The following NRDE2 variants were observed in gnomAD, a reference collection of about 807,000 sequenced individuals.
The protein encoded by NRDE2 is NRDE-2, necessary for RNA interference, domain containing, also known as nuclear exosome regulator NRDE2.
Under a neutral mutation model 124.2 loss-of-function variants are expected in NRDE2, and 76 were observed. The observed-to-expected ratio is 0.61, with a 90% CI of 0.51 to 0.74. NRDE2 has a LOEUF of 0.74. Among genes scored for constraint, NRDE2 ranks in the 30% least tolerant of loss-of-function variants. The pLI is 0.00. For missense variants in NRDE2, 1,314 were observed against 1,417.3 expected (o/e 0.93, Z 1.17); for synonymous variants, 489 against 528.1 (o/e 0.93, Z 1.01).
rs146955955 is a variant in NRDE2 at position 90,318,013 on chromosome 14, C to T, written c.165G>A (p.Pro55=). The part of the protein sequence containing the change: ...AAPAHVSEGL[P]LTRSHLKSES... ...TGTCAAACAAAAACTACCTTGTCAG[C>T]GGTAACCCTTCAGAAACATGGGCTG... Residue 55 remains proline, a synonymous_variant, in exon 2 of 14, where the codon CCG becomes CCA. Coordinates refer to ENST00000354366, the MANE Select transcript of NRDE2 (RefSeq NM_017970.4). The T allele has an allele frequency of 1.1e-5, 18 of 1,613,162 alleles. No individual in the cohort carries two copies. Among genetic ancestry groups the T allele is most frequent in the East Asian group, 6.7e-5 (3 of 44,864 alleles).
rs149143718 is a variant in NRDE2, at chr14:90,288,424, C to T, written c.2951G>A (p.Arg984Gln). The T allele has an allele frequency of 4.6e-5, 74 of 1,614,146 alleles. No homozygotes were observed. The African/African-American group carries it at 9.5e-4, about 21-fold the overall frequency. The change falls in exon 11 of 14, where the codon CGA becomes CAA. Residue 984 changes from arginine (R) to glutamine (Q), a missense_variant. Coordinates refer to ENST00000354366, the MANE Select transcript of NRDE2 (RefSeq NM_017970.4). ...CTTTAAAGCCTGTGAGAGTGCCTCT[C>T]GCAGAGGGGCCAGCGGGTAAACACT... ...KVSVYPLAPL[R>Q]EALSQALKLY...
At chr14:90,327,760 G>A (rs1209708511) in intron 1 of NRDE2, among the ~76,000 whole-genome samples, 1 of 152,188 alleles carries the variant, frequency 6.6e-6, no homozygotes, top group Non-Finnish European at 1.5e-5. Flanking sequence ...CACTTTGGGA[G>A]GCCAAGGCAG....
intron 12 of NRDE2, among the ~76,000 whole-genome samples, chr14:90,283,178 G>A (rs544976664): frequency 6.6e-6 from 1 of 152,254 alleles, no homozygotes; most frequent in Non-Finnish European, 1.5e-5. Context: ...CAAAGTGCTA[G>A]GAGCCTGCCC....
At chr14:90,317,812 TACTTGCC>T in intron 2 of NRDE2, 186 bp downstream of exon 2, 1 of 508,944 alleles carries the variant, frequency 2.0e-6, no homozygotes, top group South Asian at 3.0e-5. Context: ...CTGTGTCATG[TACTTGCC>T]ACTGCAAAGC....
chr14:90,274,838 A>ACACACACACACACACAC lies in NRDE2; in HGVS notation c.*3497_*3498insGTGTGTGTGTGTGTGTG, dbSNP rs1491397403. The ACACACACACACACACAC allele has an allele frequency of 1.5e-5, 1 of 67,186 alleles. No homozygotes were observed. The highest frequency in any genetic ancestry group is 6.1e-5 in the African/African-American group (1 of 16,314). The allele number at this position is 67,186 out of a possible 1,614,324, so 4.2% of individuals were successfully genotyped here. On this transcript the variant is annotated 3_prime_UTR_variant, in exon 14 of 14. Coordinates refer to ENST00000354366, the MANE Select transcript of NRDE2 (RefSeq NM_017970.4). ...CACACACACACACACACACACACACACCCCAATACATATGAATTGATCTGA... is the reference window on the plus strand; with the variant it reads ...CACACACACACACACACACACACACACACACACACACACACACCCCCAATACATATGAATTGATCTGA...
intron 3 of NRDE2, among the ~76,000 whole-genome samples, chr14:90,313,506 C>T (rs1057321974): frequency 4.6e-5 from 7 of 152,058 alleles, no homozygotes; most frequent in Non-Finnish European, 1.0e-4. Flanking sequence ...GGCAGAATCA[C>T]GAGGCTCCCC....
At chr14:90,295,513 A>C (rs1884112412) in intron 8 of NRDE2, among the ~76,000 whole-genome samples, 2 of 152,174 alleles carry the variant, frequency 1.3e-5, no homozygotes, top group Admixed American at 6.5e-5. Context: ...CTTATAAGAG[A>C]AATTACCTTT....
chr14:90,269,658 G>C lies in NRDE2; in HGVS notation c.*8678C>G. 8.1e-7 allele frequency: 1 copy of C among 1,230,474 alleles called. No individual in the cohort carries two copies. The highest frequency in any genetic ancestry group is 1.1e-6 in the Non-Finnish European group (1 of 879,522). The allele number at this position is 1,230,474 out of a possible 1,614,324, so 76.2% of individuals were successfully genotyped here. A position where few individuals can be genotyped will look rare whatever the true frequency, so the allele number is the denominator to read the frequency against. On this transcript the variant is annotated 3_prime_UTR_variant, in exon 14 of 14. Coordinates refer to ENST00000354366, the MANE Select transcript of NRDE2 (RefSeq NM_017970.4). Reference sequence around the variant, plus strand: ...TACATAAAAAAGCAAATACTGCAGTGAAACTTAGGATAATTTACAAAAAAA... The same window carrying C: ...TACATAAAAAAGCAAATACTGCAGTCAAACTTAGGATAATTTACAAAAAAA...
At chr14:90,287,919 G>A (rs1892151214) in intron 11 of NRDE2, among the ~76,000 whole-genome samples, 1 of 152,112 alleles carries the variant, frequency 6.6e-6, no homozygotes, top group African/African-American at 2.4e-5. Context: ...TTTCGTGACG[G>A]CTTCTCAGCA....
At position 90,268,373 on chromosome 14, in the gene NRDE2, A is replaced by G. The variant is rs1207878420; in HGVS notation, c.*9963T>C. 1.2e-6 allele frequency: 2 copies of G among 1,611,800 alleles called. No homozygotes were observed. Among genetic ancestry groups the G allele is most frequent in the Admixed American group, 1.7e-5 (1 of 59,368 alleles). ...AGTTGCTGAAGAACATGCACCGTCCATCGTGTTTATTGATGAAATTGACGC... is the reference window on the plus strand; with the variant it reads ...AGTTGCTGAAGAACATGCACCGTCCGTCGTGTTTATTGATGAAATTGACGC... On this transcript the variant is annotated 3_prime_UTR_variant, in exon 14 of 14. Transcript: ENST00000354366.
At position 90,303,089 on chromosome 14, in the gene NRDE2, C is replaced by T. The variant is rs759252429; in HGVS notation, c.1042G>A (p.Glu348Lys). 6.8e-6 allele frequency: 11 copies of T among 1,613,838 alleles called. No individual in the cohort carries two copies. The highest frequency in any genetic ancestry group is 4.0e-5 in the African/African-American group (3 of 74,922). The change falls in exon 6 of 14, where the codon GAG (glutamate) becomes AAG (lysine). Residue 348 changes from glutamate to lysine, a missense_variant. Transcript: ENST00000354366. Reference protein sequence around the residue: ...VMKSPGLYAIEEGEQEKRKRS... With the variant: ...VMKSPGLYAIKEGEQEKRKRS... ...TTTCGCTTTTCCTGCTCTCCTTCCT[C>T]GATGGCATACAGGCCAGGACTTTTC...
intron 1 of NRDE2, among the ~76,000 whole-genome samples, chr14:90,327,685 T>C (rs1399294900): frequency 6.6e-6 from 1 of 152,244 alleles, no homozygotes; most frequent in Non-Finnish European, 1.5e-5. Context: ...CCCCAACTCA[T>C]TATTCTGAAA....
Position 90,269,895 on chromosome 14 carries a change from GT to G in NRDE2, c.*8440del, listed in dbSNP as rs1891618151. The stretch of plus-strand genomic sequence containing the variant: ...GTAGCATCAGAAGAAACAGTGATTT[GT>G]TTGCTGTCTTTTGTAATGTTTTTAA... On this transcript the variant is annotated 3_prime_UTR_variant, in exon 14 of 14. Coordinates refer to ENST00000354366, the MANE Select transcript of NRDE2 (RefSeq NM_017970.4). The G allele has an allele frequency of 2.6e-6, 1 of 377,766 alleles. No homozygotes were observed. Among genetic ancestry groups the G allele is most frequent in the Admixed American group, 4.2e-5 (1 of 23,626 alleles). 23.4% of individuals were successfully genotyped at this position (377,766 alleles called of 1,614,324 possible). A position where few individuals can be genotyped will look rare whatever the true frequency, so the allele number is the denominator to read the frequency against.
chr14:90,291,961 G>A (rs73318621), intron 9 of NRDE2, among the ~76,000 whole-genome samples: 20,738 of 152,288 alleles, frequency 0.14, 1,618 homozygotes, highest in East Asian at 0.21. Context: ...CGCCTCGTTT[G>A]TAGAAAAGGT....
rs558702603 is a variant in NRDE2 at position 90,286,610 on chromosome 14, G to A, written c.3159-118C>T. 7 of 1,301,818 alleles carry A rather than the reference G, an allele frequency of 5.4e-6. No individual in the cohort carries two copies. The African/African-American group carries it at 5.9e-5, about 11-fold the overall frequency. 80.6% of individuals were successfully genotyped at this position (1,301,818 alleles called of 1,614,324 possible). On this transcript the variant is annotated intron_variant, in intron 11 of 13. Coordinates refer to ENST00000354366, the MANE Select transcript of NRDE2 (RefSeq NM_017970.4). Reference sequence around the variant, plus strand: ...ACAACCAGATCAGACAGACTCAGGGGAGAACTGTCCCTCAGGCGTAGAGCG... The same window carrying A: ...ACAACCAGATCAGACAGACTCAGGGAAGAACTGTCCCTCAGGCGTAGAGCG...
rs1891809788 is a variant in NRDE2 at position 90,276,551 on chromosome 14, T to C, written c.*1785A>G. 6.6e-6 allele frequency: 1 copy of C among 152,150 alleles called. No individual in the cohort carries two copies. The highest frequency in any genetic ancestry group is 2.4e-5 in the African/African-American group (1 of 41,424). The allele number at this position is 152,150 out of a possible 1,614,324, so 9.4% of individuals were successfully genotyped here. A position where few individuals can be genotyped will look rare whatever the true frequency, so the allele number is the denominator to read the frequency against. On this transcript the variant is annotated 3_prime_UTR_variant, in exon 14 of 14. Transcript: ENST00000354366. ...GGCTTTTAAATAACAACAGTGATGC[T>C]CTTGACATCTTGTTTTCTGTAAAAT...
rs576740394 is a variant in NRDE2 at position 90,317,101 on chromosome 14, T to C, written c.174-290A>G. ...AAAGTAACCTACCACTTAACAAATA[T>C]AGTATTTTTAAGACATTATTAAAGG... is the stretch of plus-strand genomic sequence containing the variant. On this transcript the variant is annotated intron_variant, in intron 2 of 13. Coordinates refer to ENST00000354366, the MANE Select transcript of NRDE2 (RefSeq NM_017970.4). Among the ~76,000 whole-genome samples the C allele has an allele frequency of 5.7e-4, 87 of 152,280 alleles. 1 individual carries two copies. The Middle Eastern group carries it at 0.01, about 18-fold the overall frequency.
intron 6 of NRDE2, among the ~76,000 whole-genome samples, 179 bp from the exon 7 acceptor site, chr14:90,301,551 AG>A (rs1566691668): frequency 6.6e-6 from 1 of 152,244 alleles, no homozygotes; most frequent in Non-Finnish European, 1.5e-5. Context: ...TTATAATCCA[AG>A]TATGTTTGTT....
At chr14:90,301,516 T>C (rs3742666) in intron 6 of NRDE2, 144 bp from the exon 7 acceptor site, 210,485 of 702,710 alleles carry the variant, frequency 0.3, 32,587 homozygotes, top group South Asian at 0.37. Flanking sequence ...GATACATGTC[T>C]TGATTTAAAG....
Sources: allele counts gnomAD v4.1 joint callset (sites outside exome capture counted in the v4.1 genomes callset), GRCh38; gene constraint gnomAD v4.1.1; transcripts MANE v1.5; gene names NCBI Gene and HGNC (gene_info 2026-07-23, HGNC 2026-07-21).